The following CLDN10 variants were observed in gnomAD, a reference collection of about 807,000 sequenced individuals.
CLDN10 encodes claudin 10.
CLDN10 carries 15 observed loss-of-function variants against 22.9 expected under a neutral mutation model. The ratio of observed to expected loss-of-function variants is 0.65; its 90% CI spans 0.44 to 1.01. CLDN10 has a LOEUF of 1.01. CLDN10 is among the 50% of genes least tolerant of loss of function. CLDN10 has a pLI of 0.00. For missense variants in CLDN10, 247 were observed against 287.8 expected, an observed-to-expected ratio of 0.86 and a Z score of 1.03; for synonymous variants, 114 against 111.4, an observed-to-expected ratio of 1.02 and a Z score of -0.15.
intron 1 of CLDN10, among the ~76,000 whole-genome samples, chr13:95,547,185 C>T (rs565787654): frequency 6.7e-4 from 102 of 151,922 alleles, no homozygotes; most frequent in African/African-American, 2.3e-3. Context: ...GCTGTTCACC[C>T]TTTTAAATTT....
chr13:95,568,069 C>G (rs1016571123), intron 3 of CLDN10, among the ~76,000 whole-genome samples: 2 of 152,172 alleles, frequency 1.3e-5, no homozygotes, highest in African/African-American at 2.4e-5. Flanking sequence ...ATATTGACCT[C>G]ATCAGGTGAC....
chr13:95,568,772 G>A (rs1482235904), intron 3 of CLDN10, among the ~76,000 whole-genome samples: 4 of 152,158 alleles, frequency 2.6e-5, no homozygotes, highest in Non-Finnish European at 4.4e-5. Context: ...CTGCAGTGGT[G>A]TAGGACTGTC....
intron 1 of CLDN10, among the ~76,000 whole-genome samples, chr13:95,542,286 G>A (rs1465369274): frequency 6.6e-6 from 1 of 152,194 alleles, no homozygotes; most frequent in Admixed American, 6.5e-5. Flanking sequence ...GAGATGTGGT[G>A]CAGACAGATC....
intron 1 of CLDN10, among the ~76,000 whole-genome samples, chr13:95,502,071 C>A (rs2042991840): frequency 6.6e-6 from 1 of 152,156 alleles, no homozygotes; most frequent in Non-Finnish European, 1.5e-5. Flanking sequence ...ATAACCACCC[C>A]AGCCCCCACA....
intron 1 of CLDN10, among the ~76,000 whole-genome samples, chr13:95,494,696 C>T (rs1256274785): frequency 6.6e-6 from 1 of 152,130 alleles, no homozygotes; most frequent in Non-Finnish European, 1.5e-5. Flanking sequence ...GTACTTATCT[C>T]TGAATAAAAC....
At chr13:95,526,920 C>T (rs145281874) in intron 1 of CLDN10, among the ~76,000 whole-genome samples, 2 of 152,296 alleles carry the variant, frequency 1.3e-5, no homozygotes, top group East Asian at 3.9e-4. Context: ...TCATTTGGAA[C>T]AGGTGTCCCC....
In CLDN10 at chr13:95,517,790, C is replaced by T. The variant is rs566120838; in HGVS notation, c.215-42342C>T. 2.8e-3 allele frequency among the ~76,000 whole-genome samples: 431 copies of T among 151,930 alleles called. 3 individuals are homozygous for T. Among genetic ancestry groups the T allele is most frequent in the African/African-American group, 1.0e-2 (413 of 41,418 alleles). The stretch of plus-strand genomic sequence containing the variant: ...ATCTACTAAAAATGCAAAAATTAGC[C>T]AGGCGTGGTGGCGGGTGCCTGTAAT... On this transcript the variant is annotated intron_variant, in intron 1 of 4. Transcript: ENST00000376873.
intron 4 of CLDN10, 100 bp downstream of exon 4, chr13:95,577,438 A>G (rs1239136223): frequency 1.2e-5 from 10 of 819,222 alleles, no homozygotes; most frequent in Non-Finnish European, 4.0e-6. Context: ...ATTCTTAGAA[A>G]CTTCCAAAAT....
chr13:95,554,501 T>G (rs1022213923), intron 1 of CLDN10, among the ~76,000 whole-genome samples: 15 of 152,112 alleles, frequency 9.9e-5, no homozygotes, highest in Admixed American at 2.0e-4. Flanking sequence ...CATACCTGTT[T>G]GGGGGCAGAT....
chr13:95,551,009 T>G (rs4773915), upstream of CLDN10, among the ~76,000 whole-genome samples: 92,777 of 151,424 alleles, frequency 0.61, 28,963 homozygotes, highest in Non-Finnish European at 0.69. Context: ...TTAAGTTTAG[T>G]TTACCAGTGA....
intron 1 of CLDN10, among the ~76,000 whole-genome samples, chr13:95,546,212 G>A (rs948993187): frequency 8.5e-5 from 13 of 152,102 alleles, no homozygotes; most frequent in African/African-American, 2.4e-4. Flanking sequence ...TTGTTCACAC[G>A]CTGTAGATAT....
intron 1 of CLDN10, among the ~76,000 whole-genome samples, chr13:95,448,480 C>T (rs897945424): frequency 2.6e-5 from 4 of 152,114 alleles, no homozygotes; most frequent in African/African-American, 9.7e-5. Context: ...GCATAGTCAT[C>T]GGAGGGAAAG....
intron 1 of CLDN10, among the ~76,000 whole-genome samples, chr13:95,521,214 C>T (rs1462110766): frequency 6.6e-6 from 1 of 152,128 alleles, no homozygotes; most frequent in Admixed American, 6.5e-5. Flanking sequence ...GGCCACAGTA[C>T]AATTTGAAAA....
chr13:95,491,704 T>C (rs2042873383), intron 1 of CLDN10, among the ~76,000 whole-genome samples: 1 of 152,072 alleles, frequency 6.6e-6, no homozygotes, highest in Non-Finnish European at 1.5e-5. Flanking sequence ...CCATTGCTGG[T>C]GAACTAGTGT....
chr13:95,553,238 C>A (rs2043590172), intron 1 of CLDN10, among the ~76,000 whole-genome samples: 2 of 152,140 alleles, frequency 1.3e-5, no homozygotes, highest in Admixed American at 6.5e-5. Context: ...GACTCCCAGG[C>A]GTCGGGGGAT....
chr13:95,526,844 G>T (rs1445423781), intron 1 of CLDN10, among the ~76,000 whole-genome samples: 1 of 151,832 alleles, frequency 6.6e-6, no homozygotes, highest in Non-Finnish European at 1.5e-5. Flanking sequence ...GGAAAGGAGA[G>T]CTGTCTTAGC....
intron 3 of CLDN10, among the ~76,000 whole-genome samples, chr13:95,573,909 C>T (rs2138684031): frequency 6.6e-6 from 1 of 151,550 alleles, no homozygotes; most frequent in South Asian, 2.1e-4. Context: ...TGTGATGTTC[C>T]CCACCCTGTG....
intron 1 of CLDN10, among the ~76,000 whole-genome samples, chr13:95,505,334 G>A (rs2043026672): frequency 6.6e-6 from 1 of 152,200 alleles, no homozygotes; most frequent in Non-Finnish European, 1.5e-5. Flanking sequence ...GGCAGGTATT[G>A]TTGCAGCCCC....
intron 3 of CLDN10, among the ~76,000 whole-genome samples, chr13:95,575,103 T>C (rs538777057): frequency 6.6e-6 from 1 of 152,238 alleles, no homozygotes; most frequent in Non-Finnish European, 1.5e-5. Context: ...TGAAGCTCAA[T>C]ATTTTCAGAA....
Sources: allele counts gnomAD v4.1 joint callset (sites outside exome capture counted in the v4.1 genomes callset), GRCh38; gene constraint gnomAD v4.1.1; transcripts MANE v1.5; gene names NCBI Gene and HGNC (gene_info 2026-07-23, HGNC 2026-07-21).